NID2: variants seen among roughly 807,000 people sequenced by gnomAD.
NID2 encodes nidogen-2.
NID2 carries 83 observed loss-of-function variants against 145.4 expected under a neutral mutation model. That is an observed-to-expected ratio of 0.57 (90% CI 0.48 to 0.69). The LOEUF (loss-of-function observed/expected upper bound fraction) is 0.69. Ranked by LOEUF, NID2 falls within the 30% of genes least tolerant of loss-of-function variation. The probability of loss-of-function intolerance (pLI) is 0.00; values close to 1 mark genes in which losing one functional copy is unlikely to be tolerated. For synonymous variants in NID2, 739 were observed against 701.3 expected (o/e 1.05, Z -0.85); for missense variants, 1,807 against 1,765.7 (o/e 1.02, Z -0.42).
chr14:52,052,108 C>A (rs1892700001), intron 5 of NID2, among the ~76,000 whole-genome samples: 1 of 152,220 alleles, frequency 6.6e-6, no homozygotes, highest in Non-Finnish European at 1.5e-5. Flanking sequence ...TACCTCAAAT[C>A]CCTTTGTGAA....
At chr14:52,015,309 C>T (rs774719459) in intron 14 of NID2, 34 bp from the exon 15 acceptor site, 2 of 1,574,780 alleles carry the variant, frequency 1.3e-6, no homozygotes, top group Non-Finnish European at 1.7e-6. Context: ...GAAGAAAAAC[C>T]TTTGATTGTG....
chr14:52,021,303 T>C (rs1891395150), intron 12 of NID2, among the ~76,000 whole-genome samples: 1 of 152,084 alleles, frequency 6.6e-6, no homozygotes, highest in South Asian at 2.1e-4. Flanking sequence ...GTGCAGCCCA[T>C]GGTAGAGACA....
chr14:52,022,232 G>C (rs1457944129), intron 12 of NID2, among the ~76,000 whole-genome samples: 1 of 150,400 alleles, frequency 6.6e-6, no homozygotes, highest in Admixed American at 6.6e-5. Context: ...CCTCCCCACA[G>C]ATACTGTTGG....
At chr14:52,056,225 TA>T (rs1160616191) in intron 3 of NID2, among the ~76,000 whole-genome samples, 2 of 152,108 alleles carry the variant, frequency 1.3e-5, no homozygotes, top group Non-Finnish European at 1.5e-5. Flanking sequence ...ACAGAAACTA[TA>T]AAATCTTCAA....
intron 5 of NID2, among the ~76,000 whole-genome samples, chr14:52,044,810 G>T (rs1299924683): frequency 6.6e-6 from 1 of 151,850 alleles, no homozygotes; most frequent in Non-Finnish European, 1.5e-5. Flanking sequence ...GGGGGGAGGG[G>T]TCTCCCTGCG....
chr14:52,061,411 A>G (rs117067544), intron 2 of NID2, among the ~76,000 whole-genome samples: 1,822 of 152,318 alleles, frequency 0.012, 20 homozygotes, highest in Non-Finnish European at 0.019. Context: ...TGTCTACTTA[A>G]GCACCAGACG....
chr14:52,066,316 G>T (rs1191345820), intron 2 of NID2, among the ~76,000 whole-genome samples: 1 of 144,958 alleles, frequency 6.9e-6, no homozygotes, highest in Non-Finnish European at 1.5e-5. Flanking sequence ...ACAGTTAACG[G>T]GTACCAAAAA....
chr14:52,038,010 A>T (rs1292147593), intron 9 of NID2, among the ~76,000 whole-genome samples: 1 of 152,184 alleles, frequency 6.6e-6, no homozygotes, highest in Non-Finnish European at 1.5e-5. Flanking sequence ...GTTTTAGTGA[A>T]TTCCTGAGAT....
In NID2 at chr14:52,005,732, T is replaced by C; in HGVS notation, c.4117+5A>G. 1 of 1,607,380 alleles carries C rather than the reference T, an allele frequency of 6.2e-7. No individual in the cohort carries two copies. Among genetic ancestry groups the C allele is most frequent in the African/African-American group, 1.3e-5 (1 of 74,916 alleles). ...TAAAGGAGCATCCTAAAGCATACTT[T>C]TTACCTGTTGGGCAGTAGGGGTAGA... On this transcript the variant is annotated splice_donor_5th_base_variant and intron_variant, in intron 21 of 21. Transcript: ENST00000216286.
chr14:52,005,820 C>G lies in NID2; in HGVS notation c.4034G>C (p.Ser1345Thr), dbSNP rs746742615. The stretch of plus-strand genomic sequence containing the variant: ...GAGATACTCATCAGTAAACTGGCCA[C>G]TATGTTTATTTACTGATACAACACC... ...RDGVVSVNKH[S>T]GQFTDEYLPE... The change falls in exon 21 of 22, where the codon AGT (serine) becomes ACT (threonine). Residue 1345 changes from serine (S) to threonine (T), a missense_variant. Ser to Thr is a moderately conservative substitution (Grantham distance 58). Coordinates refer to ENST00000216286, the MANE Select transcript of NID2 (RefSeq NM_007361.4). The G allele has an allele frequency of 6.2e-7, 1 of 1,613,416 alleles. No individual in the cohort carries two copies. The highest frequency in any genetic ancestry group is 8.5e-7 in the Non-Finnish European group (1 of 1,179,426).
At chr14:52,054,925 A>T (rs941176931) in intron 3 of NID2, among the ~76,000 whole-genome samples, 1 of 152,244 alleles carries the variant, frequency 6.6e-6, no homozygotes, top group Non-Finnish European at 1.5e-5. Context: ...GGTTTATCTA[A>T]AATCTGGCTA....
chr14:52,021,965 T>G (rs569759362), intron 12 of NID2, among the ~76,000 whole-genome samples: 2 of 152,328 alleles, frequency 1.3e-5, no homozygotes, highest in East Asian at 1.9e-4. Context: ...AAATTAACAT[T>G]CAGCCGAATG....
At position 52,038,729 on chromosome 14, in the gene NID2, C is replaced by CA. The variant is rs1892163160; in HGVS notation, c.2257+17dup. The stretch of plus-strand genomic sequence containing the variant: ...AAAGGATGTCATTTTTACCCAACAA[C>CA]AAAAAAGGAAACCTTACCTTTGACC... On this transcript the variant is annotated intron_variant, in intron 9 of 21. Coordinates refer to ENST00000216286, the MANE Select transcript of NID2 (RefSeq NM_007361.4). 6.5e-7 allele frequency: 1 copy of CA among 1,531,234 alleles called. No homozygotes were observed. Among genetic ancestry groups the CA allele is most frequent in the Non-Finnish European group, 8.8e-7 (1 of 1,139,600 alleles). 94.9% of individuals were successfully genotyped at this position (1,531,234 alleles called of 1,614,324 possible). A position where few individuals can be genotyped will look rare whatever the true frequency, so the allele number is the denominator to read the frequency against.
intron 5 of NID2, among the ~76,000 whole-genome samples, chr14:52,047,899 C>T (rs1892558785): frequency 6.6e-6 from 1 of 152,192 alleles, no homozygotes; most frequent in Non-Finnish European, 1.5e-5. Context: ...CCAGAGACCA[C>T]TGCATCAGGA....
In NID2 at chr14:52,054,203, G is replaced by C. The variant is rs1459097307; in HGVS notation, c.886C>G (p.Leu296Val). Residue 296 changes from leucine (L) to valine (V), a missense_variant, in exon 4 of 22, where the codon CTG (leucine) becomes GTG (valine). By Grantham distance (32) the Leu-to-Val change is conservative (BLOSUM62 1). Transcript: ENST00000216286. ...GTAGCATGGCTGAAGGAACGTCCCA[G>C]GGGAACAGAAGAGTGGGCAGCGGAA... ...DLSAAHSSVP[L>V]GRSFSHATAL... 1 of 1,614,178 alleles carries C rather than the reference G, an allele frequency of 6.2e-7. No homozygotes were observed. Among genetic ancestry groups the C allele is most frequent in the Non-Finnish European group, 8.5e-7 (1 of 1,180,026 alleles).
intron 8 of NID2, among the ~76,000 whole-genome samples, chr14:52,040,331 T>A (rs567814221): frequency 5.3e-5 from 8 of 152,286 alleles, no homozygotes; most frequent in Non-Finnish European, 1.2e-4. Flanking sequence ...AATCACTATT[T>A]TTCCATGTTG....
chr14:52,067,761 G>T, intron 2 of NID2, 97 bp downstream of exon 2: 2 of 1,403,548 alleles, frequency 1.4e-6, no homozygotes, highest in Non-Finnish European at 2.0e-6. Context: ...GCAAGAGTAG[G>T]CTCAGAAACA....
At position 52,005,795 on chromosome 14, in the gene NID2, G is replaced by GAGAT; in HGVS notation, c.4055_4058dup (p.Pro1354SerfsTer29). On this transcript the variant is annotated frameshift_variant, in exon 21 of 22. Transcript: ENST00000216286. LOFTEE classifies it high-confidence loss of function. ...CGTAGAGGTGAGATCGTTGTTCTGGGAGATACTCATCAGTAAACTGGCCAC... is the reference window on the plus strand; with the variant it reads ...CGTAGAGGTGAGATCGTTGTTCTGGGAGATAGATACTCATCAGTAAACTGGCCAC... 1 of 1,613,894 alleles carries GAGAT rather than the reference G, an allele frequency of 6.2e-7. No homozygotes were observed. The highest frequency in any genetic ancestry group is 8.5e-7 in the Non-Finnish European group (1 of 1,179,806).
intron 9 of NID2, among the ~76,000 whole-genome samples, chr14:52,036,534 T>C (rs181534038): frequency 1.8e-4 from 27 of 152,344 alleles, no homozygotes; most frequent in Non-Finnish European, 2.2e-4. Flanking sequence ...AGGAGTAGAA[T>C]TGCTCCATTA....
Sources: allele counts gnomAD v4.1 joint callset (sites outside exome capture counted in the v4.1 genomes callset), GRCh38; gene constraint gnomAD v4.1.1; transcripts MANE v1.5; gene names NCBI Gene and HGNC (gene_info 2026-07-23, HGNC 2026-07-21).